NR3C2: variants seen among roughly 807,000 people sequenced by gnomAD.
The protein encoded by NR3C2 is nuclear receptor subfamily 3 group C member 2, also known as mineralocorticoid receptor.
NR3C2 carries 15 observed loss-of-function variants against 86.4 expected under a neutral mutation model. The ratio of observed to expected loss-of-function variants is 0.17; its 90% CI spans 0.12 to 0.27. The LOEUF (loss-of-function observed/expected upper bound fraction) is 0.27. Among genes scored for constraint, NR3C2 ranks in the 10% least tolerant of loss-of-function variants. The pLI, the probability that NR3C2 is intolerant of heterozygous loss-of-function variation, is 1.00. For missense variants in NR3C2, 960 were observed against 1,195.6 expected, an observed-to-expected ratio of 0.80 and a Z score of 2.91; for synonymous variants, 458 against 450.5, an observed-to-expected ratio of 1.02 and a Z score of -0.21.
chr4:148,357,288 C>T (rs932974100), intron 2 of NR3C2, among the ~76,000 whole-genome samples: 1 of 152,116 alleles, frequency 6.6e-6, no homozygotes, highest in Non-Finnish European at 1.5e-5. Flanking sequence ...AGAATCCATT[C>T]ATTTCTGTAG....
intron 4 of NR3C2, among the ~76,000 whole-genome samples, chr4:148,167,881 G>A (rs1180761965): frequency 1.3e-5 from 2 of 152,174 alleles, no homozygotes; most frequent in African/African-American, 2.4e-5. Flanking sequence ...CCAGCATCAC[G>A]CTGATAACAA....
chr4:148,139,584 GGA>G (rs1193526479), intron 6 of NR3C2, among the ~76,000 whole-genome samples: 3 of 152,180 alleles, frequency 2.0e-5, no homozygotes, highest in African/African-American at 7.2e-5. Context: ...CTATTTCAAG[GGA>G]GAGGGGCACA....
chr4:148,136,799 C>T (rs111525389), intron 6 of NR3C2, among the ~76,000 whole-genome samples: 4 of 152,088 alleles, frequency 2.6e-5, no homozygotes, highest in Non-Finnish European at 5.9e-5. Flanking sequence ...TTTTTAAACT[C>T]GAGTGCCCAT....
At chr4:148,084,683 C>G (rs1409154632) in intron 8 of NR3C2, among the ~76,000 whole-genome samples, 1 of 152,132 alleles carries the variant, frequency 6.6e-6, no homozygotes, top group Non-Finnish European at 1.5e-5. Context: ...TAAATGTAAA[C>G]AGGCTAAATC....
chr4:148,411,938 C>T (rs771415050), intron 2 of NR3C2, among the ~76,000 whole-genome samples: 1 of 152,178 alleles, frequency 6.6e-6, no homozygotes, highest in Non-Finnish European at 1.5e-5. Flanking sequence ...TAAAACTTAA[C>T]GCTGCACATT....
At chr4:148,106,669 T>C (rs1163926404) in intron 8 of NR3C2, among the ~76,000 whole-genome samples, 1 of 152,100 alleles carries the variant, frequency 6.6e-6, no homozygotes, top group African/African-American at 2.4e-5. Flanking sequence ...AACAGATATA[T>C]AGACCAATGG....
At chr4:148,199,097 A>T (rs1736587248) in intron 3 of NR3C2, among the ~76,000 whole-genome samples, 1 of 151,522 alleles carries the variant, frequency 6.6e-6, no homozygotes. Flanking sequence ...AAAAAAAAAA[A>T]AAAAAGTAGG....
In NR3C2 at chr4:148,435,657, G is replaced by C; in HGVS notation, c.1204C>G (p.Pro402Ala). 5 of 1,614,128 alleles carry C rather than the reference G, an allele frequency of 3.1e-6. No individual in the cohort carries two copies. Among genetic ancestry groups the C allele is most frequent in the Non-Finnish European group, 4.2e-6 (5 of 1,180,024 alleles). Residue 402 changes from proline (P) to alanine (A), a missense_variant, in exon 2 of 9, where the codon CCA becomes GCA. This residue lies in a region of NR3C2 where 680 missense variants were observed against 719.0 expected (regional missense o/e 0.95). Transcript: ENST00000358102. The part of the protein sequence containing the change: ...LNIVQYIKPE[P>A]DGAFSSSCLG... The stretch of plus-strand genomic sequence containing the variant: ...CATGAGCTGCTAAAAGCTCCATCTG[G>C]TTCTGGTTTTATGTACTGGACAATA...
intron 7 of NR3C2, among the ~76,000 whole-genome samples, chr4:148,115,898 T>C (rs1732253713): frequency 6.6e-6 from 1 of 152,168 alleles, no homozygotes; most frequent in African/African-American, 2.4e-5. Context: ...TATTTTTTTC[T>C]CCTGAAAACT....
At chr4:148,329,908 TG>T (rs981594148) in intron 2 of NR3C2, among the ~76,000 whole-genome samples, 2 of 152,208 alleles carry the variant, frequency 1.3e-5, no homozygotes, top group African/African-American at 4.8e-5. Flanking sequence ...CACAAGTAGG[TG>T]TTGAATGGGT....
chr4:148,291,815 C>A (rs1201004505), intron 2 of NR3C2, among the ~76,000 whole-genome samples: 2 of 152,120 alleles, frequency 1.3e-5, no homozygotes, highest in African/African-American at 4.8e-5. Context: ...ACACTGTAAA[C>A]TGAAAGTGCA....
At chr4:148,210,884 C>T (rs912275635) in intron 3 of NR3C2, among the ~76,000 whole-genome samples, 4 of 152,228 alleles carry the variant, frequency 2.6e-5, no homozygotes, top group African/African-American at 9.6e-5. Context: ...TAAGTTTCTT[C>T]CCTCATCTGT....
chr4:148,387,441 T>C (rs1207642333), intron 2 of NR3C2, among the ~76,000 whole-genome samples: 1 of 152,186 alleles, frequency 6.6e-6, no homozygotes, highest in African/African-American at 2.4e-5. Context: ...TTCTGTTACA[T>C]ACAGCTGGAA....
chr4:148,401,237 T>C (rs1413789359), intron 2 of NR3C2, among the ~76,000 whole-genome samples: 1 of 152,192 alleles, frequency 6.6e-6, no homozygotes, highest in Non-Finnish European at 1.5e-5. Context: ...GGAATCATCC[T>C]CACATGGTGC....
intron 2 of NR3C2, among the ~76,000 whole-genome samples, chr4:148,307,056 T>C (rs1427931279): frequency 1.3e-5 from 2 of 152,166 alleles, no homozygotes; most frequent in African/African-American, 4.8e-5. Flanking sequence ...TGTGACACTT[T>C]AGTGTTTTTA....
rs914287075 is a variant in NR3C2, at chr4:148,436,150, G to A, written c.711C>T (p.Cys237=). ...SPITQGTPLT[C]SPNVENRGSR... is the part of the protein sequence containing the mutation. The stretch of plus-strand genomic sequence containing the variant: ...AGCCTCGATTTTCAACATTAGGGGA[G>A]CATGTCAGAGGAGTTCCCTGGGTGA... Residue 237 remains cysteine (C), a synonymous_variant, in exon 2 of 9, where the codon TGC becomes TGT. Transcript: ENST00000358102. 3.8e-5 allele frequency: 61 copies of A among 1,614,052 alleles called. No individual in the cohort carries two copies. The highest frequency in any genetic ancestry group is 5.0e-5 in the Non-Finnish European group (59 of 1,180,038).
chr4:148,389,770 T>G (rs529939191), intron 2 of NR3C2, among the ~76,000 whole-genome samples: 7 of 152,114 alleles, frequency 4.6e-5, no homozygotes, highest in Non-Finnish European at 1.0e-4. Flanking sequence ...TACATATACA[T>G]TATTTCATTT....
chr4:148,334,123 A>G (rs1744366415), intron 2 of NR3C2, among the ~76,000 whole-genome samples: 1 of 152,220 alleles, frequency 6.6e-6, no homozygotes, highest in South Asian at 2.1e-4. Flanking sequence ...AAGATTACAG[A>G]AGTCTTCAGA....
intron 6 of NR3C2, among the ~76,000 whole-genome samples, chr4:148,139,528 G>A (rs1733512719): frequency 6.6e-6 from 1 of 152,164 alleles, no homozygotes; most frequent in Admixed American, 6.5e-5. Flanking sequence ...ACAGGAAGTG[G>A]GGAAGTTCTA....
Sources: allele counts gnomAD v4.1 joint callset (sites outside exome capture counted in the v4.1 genomes callset), GRCh38; gene constraint gnomAD v4.1.1; regional missense constraint gnomAD v4.1.1; transcripts MANE v1.5; gene names NCBI Gene and HGNC (gene_info 2026-07-23, HGNC 2026-07-21).